ANXA8: variants seen among roughly 807,000 people sequenced by gnomAD.
ANXA8 encodes annexin A8, also known as VAC-beta.
A neutral mutation model predicts 26.8 loss-of-function variants in ANXA8; 9 were observed. The observed-to-expected ratio is 0.34, with a 90% CI of 0.20 to 0.59. The LOEUF is 0.59. Ranked by LOEUF, ANXA8 falls within the 20% of genes least tolerant of loss-of-function variation. ANXA8 has a pLI of 0.84. For missense variants in ANXA8, 83 were observed against 238.5 expected, an observed-to-expected ratio of 0.35 and a Z score of 4.29; for synonymous variants, 39 against 94.8, an observed-to-expected ratio of 0.41 and a Z score of 3.42.
chr10:47,768,470 G>T, the ANXA8 span, among the ~76,000 whole-genome samples: 176 of 151,256 alleles, frequency 1.2e-3, 3 homozygotes, highest in East Asian at 0.031. Context: ...AAAGGTGGCT[G>T]AGAACCTGCT....
At chr10:47,621,515 T>C in the ANXA8 span, among the ~76,000 whole-genome samples, 1 of 112,314 alleles carries the variant, frequency 8.9e-6, no homozygotes, top group South Asian at 2.9e-4. Context: ...ACAACCTCTT[T>C]CATAAAATGC....
the ANXA8 span, among the ~76,000 whole-genome samples, chr10:47,957,445 G>A: frequency 6.6e-5 from 10 of 150,564 alleles, no homozygotes; most frequent in South Asian, 1.9e-3. Flanking sequence ...GGCCCCACCT[G>A]AGCCTCTGGT....
chr10:47,565,587 G>A, the ANXA8 span: 1 of 294,510 alleles, frequency 3.4e-6, no homozygotes, highest in African/African-American at 2.3e-5. Flanking sequence ...GCCGCGCCCA[G>A]GCACGCCCAC....
At chr10:47,610,700 TATAA>T in the ANXA8 span, among the ~76,000 whole-genome samples, 67 of 150,374 alleles carry the variant, frequency 4.5e-4, no homozygotes, top group African/African-American at 1.3e-3. Context: ...CTGCAACAGC[TATAA>T]ATAAATAAAT....
the ANXA8 span, among the ~76,000 whole-genome samples, chr10:47,606,978 T>A: frequency 6.6e-6 from 1 of 151,772 alleles, no homozygotes; most frequent in Non-Finnish European, 1.5e-5. Flanking sequence ...GTCTTCAAAC[T>A]ACTGGCCTGA....
the ANXA8 span, among the ~76,000 whole-genome samples, chr10:47,909,117 CTG>C: frequency 2.0e-5 from 1 of 48,996 alleles, no homozygotes; most frequent in Non-Finnish European, 3.8e-5. Flanking sequence ...TGTAGGGAAA[CTG>C]TATCTGTTTC....
chr10:47,674,523 G>C, the ANXA8 span, among the ~76,000 whole-genome samples: 1 of 151,522 alleles, frequency 6.6e-6, no homozygotes, highest in Non-Finnish European at 1.5e-5. Flanking sequence ...TTGAGGTAGT[G>C]TTTGTGTATT....
chr10:47,749,264 A>G, the ANXA8 span, among the ~76,000 whole-genome samples: 1 of 124,818 alleles, frequency 8.0e-6, no homozygotes, highest in Non-Finnish European at 1.7e-5. Context: ...ACACAAAAAA[A>G]CCTGAGAAAA....
chr10:47,777,579 G>A, the ANXA8 span, among the ~76,000 whole-genome samples: 1 of 152,206 alleles, frequency 6.6e-6, no homozygotes, highest in East Asian at 1.9e-4. Context: ...TCCAGAAGAG[G>A]GAAAAACACA....
At chr10:47,485,915 T>C (rs1481317553), upstream of ANXA8, among the ~76,000 whole-genome samples, 4 of 151,820 alleles carry the variant, frequency 2.6e-5, no homozygotes, top group Non-Finnish European at 4.4e-5. Context: ...GAGACCATCC[T>C]GGCTAACATG....
chr10:47,474,463 G>A, intron 7 of ANXA8, 65 bp from the exon 8 acceptor site: 1 of 1,095,242 alleles, frequency 9.1e-7, no homozygotes, highest in Non-Finnish European at 1.3e-6. Flanking sequence ...CTGAGCCCCA[G>A]AGTCCCAGAG....
At chr10:47,958,352 G>A in the ANXA8 span, among the ~76,000 whole-genome samples, 6 of 147,234 alleles carry the variant, frequency 4.1e-5, no homozygotes, top group South Asian at 2.1e-4. Flanking sequence ...GGTGGTGCAC[G>A]CCTGTAATCC....
At chr10:47,628,334 T>C in the ANXA8 span, among the ~76,000 whole-genome samples, 10 of 152,072 alleles carry the variant, frequency 6.6e-5, no homozygotes, top group Non-Finnish European at 1.3e-4. Flanking sequence ...TGAATGGTAC[T>C]ACATACATTA....
the ANXA8 span, among the ~76,000 whole-genome samples, chr10:47,915,055 T>G: frequency 5.3e-5 from 8 of 152,262 alleles, 1 homozygote; most frequent in East Asian, 1.6e-3. Context: ...GCTATAGCCT[T>G]CCATGAAAAA....
the ANXA8 span, among the ~76,000 whole-genome samples, chr10:47,958,627 C>T: frequency 6.7e-6 from 1 of 148,272 alleles, no homozygotes; most frequent in Non-Finnish European, 1.5e-5. Flanking sequence ...TCCATGTGGC[C>T]CCCAGTCTAT....
the ANXA8 span, among the ~76,000 whole-genome samples, chr10:47,552,696 G>C: frequency 1.3e-5 from 2 of 151,892 alleles, no homozygotes; most frequent in Admixed American, 1.3e-4. Context: ...GAATCTGTGA[G>C]TTTTTTTGGA....
At chr10:47,675,831 GA>G in the ANXA8 span, among the ~76,000 whole-genome samples, 1 of 151,718 alleles carries the variant, frequency 6.6e-6, no homozygotes, top group East Asian at 1.9e-4. Context: ...AGATAATTAT[GA>G]AAAAAATGCT....
chr10:47,667,801 G>A, the ANXA8 span, among the ~76,000 whole-genome samples: 1 of 151,894 alleles, frequency 6.6e-6, no homozygotes, highest in African/African-American at 2.4e-5. Context: ...GCAGTGGTGC[G>A]ATCTCGGTTC....
chr10:47,724,449 G>A, the ANXA8 span, among the ~76,000 whole-genome samples: 13 of 141,220 alleles, frequency 9.2e-5, 2 homozygotes, highest in Admixed American at 3.6e-4. Flanking sequence ...CTCTAGCCAC[G>A]TGGCCTTCTT....
Sources: gnomAD v4.1 joint callset for allele counts (sites outside exome capture counted in the v4.1 genomes callset) on GRCh38, gnomAD v4.1.1 for gene constraint, MANE v1.5 for transcripts, NCBI Gene and HGNC (gene_info 2026-07-23, HGNC 2026-07-21) for gene names.